Variants in YRDC observed in about 807,000 individuals in gnomAD.
YRDC encodes threonylcarbamoyl-AMP synthase.
YRDC carries 17 observed loss-of-function variants against 21.5 expected under a neutral mutation model. The ratio of observed to expected loss-of-function variants is 0.79; its 90% CI spans 0.54 to 1.19. The LOEUF (loss-of-function observed/expected upper bound fraction) is 1.19, where lower values mean the gene tolerates loss of function less well. Ranked by LOEUF, YRDC falls within the 50% of genes most tolerant of loss-of-function variation. The pLI is 0.00. For synonymous variants in YRDC, 193 were observed against 176.7 expected (o/e 1.09, Z -0.73); for missense variants, 380 against 397.1 (o/e 0.96, Z 0.37).
chr1:37,806,201 CT>C (rs398052912), intron 3 of YRDC, among the ~76,000 whole-genome samples: 507 of 144,054 alleles, frequency 3.5e-3, no homozygotes, highest in Admixed American at 4.2e-3. Flanking sequence ...TAAACTTCAT[CT>C]TTTTTTTTTT....
chr1:37,805,953 C>T (rs1419548708), intron 3 of YRDC, among the ~76,000 whole-genome samples: 1 of 152,090 alleles, frequency 6.6e-6, no homozygotes, highest in East Asian at 1.9e-4. Flanking sequence ...AGTCTGGGGA[C>T]ACAATGTAGC....
At position 37,803,935 on chromosome 1, in the gene YRDC, G is replaced by A. The variant is rs769799605; in HGVS notation, c.830C>T (p.Ser277Phe). The A allele has an allele frequency of 3.7e-6, 6 of 1,613,994 alleles. No homozygotes were observed. Among genetic ancestry groups the A allele is most frequent in the South Asian group, 3.3e-5 (3 of 91,078 alleles). The change falls in exon 5 of 5, where the codon TCC (serine) becomes TTC (phenylalanine). Residue 277 changes from serine (S) to phenylalanine (F), a missense_variant. Around this residue, in one of 3 missense-constraint regions of YRDC, gnomAD observed 238 missense variants for 236.5 expected, o/e 1.01. Coordinates refer to ENST00000373044, the MANE Select transcript of YRDC (RefSeq NM_024640.4). ...QKYGLLPSHA[S>F]YL ...CTGCTTCCCAGAGTTTCACAGGTAGGACGCATGTGAGGGGAGCAGTCCGTA... is the reference window on the plus strand; with the variant it reads ...CTGCTTCCCAGAGTTTCACAGGTAGAACGCATGTGAGGGGAGCAGTCCGTA...
intron 3 of YRDC, among the ~76,000 whole-genome samples, chr1:37,806,051 G>T (rs1646733143): frequency 6.6e-6 from 1 of 152,146 alleles, no homozygotes. Flanking sequence ...AGCCAAGAAA[G>T]GATTAGGATG....
chr1:37,804,943 G>A (rs765425019), intron 3 of YRDC, among the ~76,000 whole-genome samples: 5 of 152,094 alleles, frequency 3.3e-5, no homozygotes, highest in African/African-American at 9.7e-5. Context: ...TTGCCGCAAA[G>A]ATAAGAGAAC....
At position 37,803,719 on chromosome 1, in the gene YRDC, C is replaced by A; in HGVS notation, c.*206G>T. ...AGCTTTTGGCTGATATATGAAAATACAAATAAATACATCCTTTCCCCAGGT... is the reference window on the plus strand; with the variant it reads ...AGCTTTTGGCTGATATATGAAAATAAAAATAAATACATCCTTTCCCCAGGT... On this transcript the variant is annotated 3_prime_UTR_variant, in exon 5 of 5. Coordinates refer to ENST00000373044, the MANE Select transcript of YRDC (RefSeq NM_024640.4). 1 of 522,668 alleles carries A rather than the reference C, an allele frequency of 1.9e-6. No homozygotes were observed. The highest frequency in any genetic ancestry group is 3.4e-6 in the Non-Finnish European group (1 of 297,240). 32.4% of individuals were successfully genotyped at this position (522,668 alleles called of 1,614,324 possible). A position where few individuals can be genotyped will look rare whatever the true frequency, so the allele number is the denominator to read the frequency against.
intron 3 of YRDC, among the ~76,000 whole-genome samples, chr1:37,805,886 C>T (rs1646731503): frequency 6.6e-6 from 1 of 152,158 alleles, no homozygotes; most frequent in African/African-American, 2.4e-5. Context: ...GTAATAAGCC[C>T]AAGGAAGGCC....
intron 3 of YRDC, among the ~76,000 whole-genome samples, chr1:37,806,192 AAACTTC>A (rs1328819867): frequency 2.0e-5 from 3 of 149,278 alleles, no homozygotes; most frequent in Non-Finnish European, 4.5e-5. Flanking sequence ...TCTGGAGGCT[AAACTTC>A]ATCTTTTTTT....
At chr1:37,807,715 C>T in intron 1 of YRDC, 77 bp downstream of exon 1, 1 of 1,385,226 alleles carries the variant, frequency 7.2e-7, no homozygotes, top group Middle Eastern at 2.7e-4. Context: ...CTCTCTGCGC[C>T]TCAGTCTCCC....
intron 1 of YRDC, 140 bp downstream of exon 1, chr1:37,807,652 G>T (rs981544306): frequency 1.5e-6 from 2 of 1,336,138 alleles, no homozygotes; most frequent in Non-Finnish European, 1.9e-6. Context: ...TTAAGTCCTC[G>T]GTACATATTT....
chr1:37,807,122 CTTG>C lies in YRDC; in HGVS notation c.480_482del (p.Asn160del). On this transcript the variant is annotated inframe_deletion, in exon 2 of 5. Transcript: ENST00000373044. ...TCACAGGCGTAAAAGGGTTTAGGTC[CTTG>C]TTGAGCTCCTCCGAGCGTTCCATCA... 6.2e-7 allele frequency: 1 copy of C among 1,614,138 alleles called. No individual in the cohort carries two copies. Among genetic ancestry groups the C allele is most frequent in the South Asian group, 1.1e-5 (1 of 91,084 alleles).
chr1:37,807,706 T>C, intron 1 of YRDC, 86 bp downstream of exon 1: 1 of 1,362,970 alleles, frequency 7.3e-7, no homozygotes, highest in Non-Finnish European at 9.5e-7. Context: ...CCCCTCCCGC[T>C]CTCTGCGCCT....
intron 4 of YRDC, 106 bp from the exon 5 acceptor site, chr1:37,804,103 G>T: frequency 6.7e-7 from 1 of 1,481,732 alleles, no homozygotes; most frequent in Non-Finnish European, 9.3e-7. Flanking sequence ...GTTAAGCCCT[G>T]TTCATCAACC....
rs1293720326 is a variant in YRDC at position 37,803,011 on chromosome 1, AATT to A, written c.*911_*913del. ...AAACAAAGTTCAAATGCCCAATAAT[AATT>A]ATGTTTAACACTTGGTACACATATA... On this transcript the variant is annotated 3_prime_UTR_variant, in exon 5 of 5. Coordinates refer to ENST00000373044, the MANE Select transcript of YRDC (RefSeq NM_024640.4). 1 of 152,230 alleles carries A rather than the reference AATT, an allele frequency of 6.6e-6. No individual in the cohort carries two copies. The highest frequency in any genetic ancestry group is 1.5e-5 in the Non-Finnish European group (1 of 68,034). 9.4% of individuals were successfully genotyped at this position (152,230 alleles called of 1,614,324 possible).
At position 37,805,133 on chromosome 1, in the gene YRDC, G is replaced by A. The variant is rs192804123; in HGVS notation, c.625-689C>T. ...TAGCCGGGCATGGTGGCACACGCCT[G>A]TAATCCCAGCTACTCACTCGGGAGG... On this transcript the variant is annotated intron_variant, in intron 3 of 4. Transcript: ENST00000373044. Among the ~76,000 whole-genome samples, 16 of 152,334 alleles carry A rather than the reference G, an allele frequency of 1.1e-4. No individual in the cohort carries two copies. The East Asian group carries it at 3.1e-3, about 29-fold the overall frequency.
rs1171566086 is a variant in YRDC at position 37,804,428 on chromosome 1, C to T, written c.641G>A (p.Trp214Ter). The T allele has an allele frequency of 6.2e-7, 1 of 1,613,044 alleles. No homozygotes were observed. ...ATCAATAACCAAGGACAACTGAGGC[C>T]AGAGATCCTGGAACTCCTGAGAAGA... ...SLNVEEFQDL[W>*]PQLSLVIDGG... The change falls in exon 4 of 5, where the codon TGG becomes TAG. Residue 214 changes from tryptophan to a stop codon, truncating the protein, a stop_gained. Coordinates refer to ENST00000373044, the MANE Select transcript of YRDC (RefSeq NM_024640.4). LOFTEE classifies it high-confidence loss of function.
rs1317130286 is a variant in YRDC, at chr1:37,808,160, G to C, written c.21C>G (p.Cys7Trp). The C allele has an allele frequency of 1.4e-6, 2 of 1,460,160 alleles. No homozygotes were observed. The highest frequency in any genetic ancestry group is 3.0e-5 in the East Asian group (1 of 33,150). 90.5% of individuals were successfully genotyped at this position (1,460,160 alleles called of 1,614,324 possible). A position where few individuals can be genotyped will look rare whatever the true frequency, so the allele number is the denominator to read the frequency against. Residue 7 changes from cysteine (C) to tryptophan (W), a missense_variant, in exon 1 of 5, where the codon TGC becomes TGG. Physicochemically the swap from Cys to Trp is radical, Grantham distance 215 (BLOSUM62 -2). This residue lies in a region of YRDC where 91 missense variants were observed against 64.7 expected (regional missense o/e 1.41). Coordinates refer to ENST00000373044, the MANE Select transcript of YRDC (RefSeq NM_024640.4). ...CAGCCACCGCGGCCCTCATCCCCCT[G>C]CACCGACGCGCCGGAGACATCCGCC... The part of the protein sequence containing the change: MSPARR[C>W]RGMRAAVAAS...
At position 37,807,731 on chromosome 1, in the gene YRDC, T is replaced by C. The variant is rs538355287; in HGVS notation, c.389+61A>G. 151 of 1,411,982 alleles carry C rather than the reference T, an allele frequency of 1.1e-4. No homozygotes were observed. The African/African-American group carries it at 2.0e-3, about 19-fold the overall frequency. 87.5% of individuals were successfully genotyped at this position (1,411,982 alleles called of 1,614,324 possible). ...TCTCTGCGCCTCAGTCTCCCAAGCC[T>C]GTCACCGGAAACCCCTCCCGCGGTG... On this transcript the variant is annotated intron_variant, in intron 1 of 4. Transcript: ENST00000373044.
chr1:37,807,077 G>A (rs1439548738), intron 2 of YRDC, 24 bp downstream of exon 2: 4 of 1,614,016 alleles, frequency 2.5e-6, no homozygotes, highest in Non-Finnish European at 3.4e-6. Flanking sequence ...GGAGTCTGGG[G>A]ACACAAGAGA....
At chr1:37,805,786 G>A (rs1646730422) in intron 3 of YRDC, among the ~76,000 whole-genome samples, 1 of 152,162 alleles carries the variant, frequency 6.6e-6, no homozygotes, top group Non-Finnish European at 1.5e-5. Flanking sequence ...ATGGAGTTCT[G>A]AGCAGGGATA....
Sources: gnomAD v4.1 joint callset for allele counts (sites outside exome capture counted in the v4.1 genomes callset) on GRCh38, gnomAD v4.1.1 for gene constraint, gnomAD v4.1.1 regional missense constraint, MANE v1.5 for transcripts, NCBI Gene and HGNC (gene_info 2026-07-23, HGNC 2026-07-21) for gene names.